The following TRRAP variants were observed in gnomAD, a reference collection of about 807,000 sequenced individuals.
TRRAP encodes transformation/transcription domain associated protein.
In TRRAP, 41 loss-of-function variants were observed where a neutral mutation model predicts 438.8. The observed-to-expected ratio is 0.09, with a 90% CI of 0.07 to 0.12. The LOEUF (loss-of-function observed/expected upper bound fraction) is 0.12. Ranked by LOEUF, TRRAP falls within the 10% of genes least tolerant of loss-of-function variation. The pLI is 1.00. For synonymous variants in TRRAP, 1,994 were observed against 1,962.9 expected (o/e 1.02, Z -0.42); for missense variants, 3,122 against 5,055.1 (o/e 0.62, Z 11.60).
chr7:98,922,388 C>T (rs1311689856), intron 21 of TRRAP, among the ~76,000 whole-genome samples: 13 of 152,170 alleles, frequency 8.5e-5, no homozygotes, highest in Non-Finnish European at 1.3e-4. Flanking sequence ...CTCTGTTAGG[C>T]CCTTTAGAGA....
intron 20 of TRRAP, among the ~76,000 whole-genome samples, chr7:98,919,616 G>A (rs1316407571): frequency 6.6e-6 from 1 of 152,182 alleles, no homozygotes; most frequent in Non-Finnish European, 1.5e-5. Context: ...AAAACCAAAA[G>A]ATAAAGATGG....
intron 51 of TRRAP, among the ~76,000 whole-genome samples, chr7:98,968,814 G>A (rs779584805): frequency 2.8e-4 from 43 of 152,220 alleles, no homozygotes; most frequent in African/African-American, 4.1e-4. Context: ...TGCAGCGTGC[G>A]TTTGGAATTT....
intron 21 of TRRAP, 50 bp downstream of exon 21, chr7:98,922,003 T>C: frequency 6.2e-7 from 1 of 1,609,650 alleles, no homozygotes; most frequent in Non-Finnish European, 8.5e-7. Flanking sequence ...GAAGATACTA[T>C]GTTTCAGTCT....
chr7:98,963,027 C>G (rs147034666), intron 47 of TRRAP, among the ~76,000 whole-genome samples: 199 of 152,290 alleles, frequency 1.3e-3, no homozygotes, highest in African/African-American at 4.2e-3. Context: ...TTGGGTGAAA[C>G]TTTGAAAATA....
At chr7:98,975,954 A>C in intron 53 of TRRAP, 195 bp from the exon 54 acceptor site, 6 of 635,924 alleles carry the variant, frequency 9.4e-6, no homozygotes, top group African/African-American at 1.8e-5. Flanking sequence ...CTTGGCTGCT[A>C]AGTGCACCAT....
Position 98,916,872 on chromosome 7 carries a change from C to T in TRRAP, c.2366-551C>T, listed in dbSNP as rs146654395. On this transcript the variant is annotated intron_variant, in intron 19 of 72. Coordinates refer to ENST00000456197, the MANE Select transcript of TRRAP (RefSeq NM_001375524.1). ...ATGGCTTCTCTTCTCCCTGAGTTCT[C>T]GTCCTTCATCCTGCCTTCCTGTGCC... 9.1e-3 allele frequency among the ~76,000 whole-genome samples: 1,387 copies of T among 152,260 alleles called. 14 individuals carry two copies. Among genetic ancestry groups the T allele is most frequent in the African/African-American group, 0.032 (1,310 of 41,542 alleles).
In TRRAP at chr7:98,978,895, G is replaced by A. The variant is rs55716100; in HGVS notation, c.8625G>A (p.Ala2875=). ...CCAACTGGACTGCCATGAAGGAGGC[G>A]CTGGTGCAGGTGAGACGCCCCGGGG... ...RVSNWTAMKE[A]LVQVEVSCPK... is the part of the protein sequence containing the mutation. Residue 2875 remains alanine (A), a synonymous_variant, in exon 58 of 73, where the codon GCG becomes GCA. Coordinates refer to ENST00000456197, the MANE Select transcript of TRRAP (RefSeq NM_001375524.1). 328 of 1,613,988 alleles carry A rather than the reference G, an allele frequency of 2.0e-4. 1 individual carries two copies. In the South Asian group the frequency reaches 2.4e-3, roughly 12 times the overall value.
intron 21 of TRRAP, 75 bp from the exon 22 acceptor site, chr7:98,925,037 G>C (rs1789984491): frequency 1.3e-6 from 2 of 1,523,756 alleles, no homozygotes; most frequent in Non-Finnish European, 1.8e-6. Flanking sequence ...GGGTGCTGCA[G>C]ATGCTTTCAG....
Position 99,012,790 on chromosome 7 carries a change from G to A in TRRAP, c.*435G>A, listed in dbSNP as rs1794483175. On this transcript the variant is annotated 3_prime_UTR_variant, in exon 73 of 73. Coordinates refer to ENST00000456197, the MANE Select transcript of TRRAP (RefSeq NM_001375524.1). This position sits in a 1 kb window ranked among gnomAD's most constrained non-coding sequence, Gnocchi z 5.9. ...TTTTGTACAGACCTTTGTAACAAGT[G>A]TACAGAAAACTCATTTTGTTTGAGA... 6.2e-6 allele frequency: 1 copy of A among 161,598 alleles called. No individual in the cohort carries two copies. The highest frequency in any genetic ancestry group is 1.3e-5 in the Non-Finnish European group (1 of 74,550). 10.0% of individuals were successfully genotyped at this position (161,598 alleles called of 1,614,324 possible).
Position 98,938,334 on chromosome 7 carries a change from G to GT in TRRAP, c.4404+514_4404+515insT, listed in dbSNP as rs1790645393. 5.9e-5 allele frequency among the ~76,000 whole-genome samples: 9 copies of GT among 152,170 alleles called. No individual in the cohort carries two copies. In the South Asian group the frequency reaches 1.9e-3, roughly 32 times the overall value. On this transcript the variant is annotated intron_variant, in intron 30 of 72. Transcript: ENST00000456197. ...AGTCTGGGTGACAGAGCAAGACCCT[G>GT]CCTCAAAAAATAAATAAATAAAAAC... is the stretch of plus-strand genomic sequence containing the variant.
chr7:98,989,755 A>G (rs1025324096), intron 63 of TRRAP, among the ~76,000 whole-genome samples: 3 of 152,212 alleles, frequency 2.0e-5, no homozygotes, highest in Admixed American at 6.5e-5. Context: ...CCTGTGGCCT[A>G]CCTGTTGCCG....
chr7:98,961,560 T>C (rs1235509053), intron 46 of TRRAP, 86 bp downstream of exon 46: 31 of 1,487,068 alleles, frequency 2.1e-5, no homozygotes, highest in Non-Finnish European at 2.7e-5. Context: ...CCTCCAGTTA[T>C]TGTGTCGAGC....
chr7:98,961,135 G>T, intron 45 of TRRAP, 126 bp from the exon 46 acceptor site: 1 of 792,066 alleles, frequency 1.3e-6, no homozygotes, highest in Non-Finnish European at 2.1e-6. Context: ...TCATTCTCTA[G>T]TGGTTTTTTT....
chr7:98,983,039 G>A (rs550412693), intron 59 of TRRAP, among the ~76,000 whole-genome samples: 1 of 152,282 alleles, frequency 6.6e-6, no homozygotes, highest in East Asian at 1.9e-4. Flanking sequence ...GGAGCCACAA[G>A]CTGAGGTTTT....
intron 3 of TRRAP, among the ~76,000 whole-genome samples, chr7:98,882,579 C>T (rs979586276): frequency 1.3e-5 from 2 of 151,836 alleles, no homozygotes; most frequent in African/African-American, 4.8e-5. Flanking sequence ...GTCAGGCTGG[C>T]CTTGAACTCC....
At chr7:98,926,033 C>A (rs1790033198) in intron 22 of TRRAP, among the ~76,000 whole-genome samples, 1 of 152,050 alleles carries the variant, frequency 6.6e-6, no homozygotes, top group African/African-American at 2.4e-5. Context: ...CTGGAAAATA[C>A]CTCCAAGAAA....
At chr7:98,888,905 G>A (rs1057304691) in intron 3 of TRRAP, among the ~76,000 whole-genome samples, 5 of 151,982 alleles carry the variant, frequency 3.3e-5, no homozygotes. Flanking sequence ...AATATTATGT[G>A]TTCTGTTCAT....
At chr7:98,936,641 G>A (rs1346167300) in intron 28 of TRRAP, among the ~76,000 whole-genome samples, 2 of 152,148 alleles carry the variant, frequency 1.3e-5, no homozygotes, top group East Asian at 1.9e-4. Context: ...ACCAGAGACC[G>A]TGCCATCAGC....
Position 98,970,472 on chromosome 7 carries a change from A to G in TRRAP, c.7692+181A>G, listed in dbSNP as rs534010635. On this transcript the variant is annotated intron_variant, in intron 52 of 72. Transcript: ENST00000456197. ...GAGTGGAGGTGAGGCCCCGCGCCCC[A>G]CGGGCAGAATCCTTGGTCCTGCGGA... Among the ~76,000 whole-genome samples the G allele has an allele frequency of 2.6e-5, 4 of 152,280 alleles. No individual in the cohort carries two copies. In the South Asian group the frequency reaches 6.2e-4, roughly 24 times the overall value.
Sources: gnomAD v4.1 joint callset for allele counts (sites outside exome capture counted in the v4.1 genomes callset) on GRCh38, gnomAD v4.1.1 for gene constraint, Gnocchi (gnomAD v3.1) non-coding constraint, MANE v1.5 for transcripts, NCBI Gene and HGNC (gene_info 2026-07-23, HGNC 2026-07-21) for gene names.